Variants in TOMM34 observed in about 807,000 individuals in gnomAD.
The protein encoded by TOMM34 is mitochondrial import receptor subunit TOM34.
Under a neutral mutation model 37.4 loss-of-function variants are expected in TOMM34, and 24 were observed. The observed-to-expected ratio is 0.64, with a 90% CI of 0.46 to 0.90. TOMM34 has a LOEUF of 0.90. TOMM34 is among the 40% of genes least tolerant of loss of function. TOMM34 has a pLI of 0.00. For synonymous variants in TOMM34, 154 were observed against 148.9 expected, an observed-to-expected ratio of 1.03 and a Z score of -0.25; for missense variants, 304 against 375.6, an observed-to-expected ratio of 0.81 and a Z score of 1.58.
intron 1 of TOMM34, among the ~76,000 whole-genome samples, chr20:44,959,393 A>G (rs1000049628): frequency 2.6e-5 from 4 of 152,126 alleles, no homozygotes; most frequent in African/African-American, 9.7e-5. Context: ...GAGAACTGGT[A>G]AGAATATGCT....
intron 3 of TOMM34, chr20:44,952,511 T>G: frequency 4.3e-6 from 3 of 694,812 alleles, no homozygotes; most frequent in Non-Finnish European, 5.4e-6. Context: ...CCCTTCACTG[T>G]GAGCCACATT....
In TOMM34 at chr20:44,943,208, A is replaced by G. The variant is rs1221476560; in HGVS notation, c.831T>C (p.Tyr277=). Residue 277 remains tyrosine (Y), a synonymous_variant, in exon 7 of 7, where the codon TAT becomes TAC. Coordinates refer to ENST00000372813, the MANE Select transcript of TOMM34 (RefSeq NM_006809.5). ...TGCTGATGTCTGCAAAGCTGGATTT[A>G]TAGTCCTAATAGAAGAAAAGACAGG... ...RAQAHKALKD[Y]KSSFADISNL... is the part of the protein sequence containing the mutation. 1 of 1,613,980 alleles carries G rather than the reference A, an allele frequency of 6.2e-7. No individual in the cohort carries two copies. The highest frequency in any genetic ancestry group is 8.5e-7 in the Non-Finnish European group (1 of 1,179,978).
At chr20:44,956,212 A>G (rs2067071306) in intron 2 of TOMM34, among the ~76,000 whole-genome samples, 174 bp downstream of exon 2, 1 of 152,206 alleles carries the variant, frequency 6.6e-6, no homozygotes, top group African/African-American at 2.4e-5. Context: ...CACGGGCCAT[A>G]AGGACCAAAT....
chr20:44,948,403 G>A (rs1035962469), intron 5 of TOMM34, among the ~76,000 whole-genome samples: 1 of 152,222 alleles, frequency 6.6e-6, no homozygotes, highest in African/African-American at 2.4e-5. Flanking sequence ...AGGGAGCAGC[G>A]TAGCGTGGTG....
chr20:44,955,338 G>T, intron 2 of TOMM34, 118 bp from the exon 3 acceptor site: 2 of 1,334,508 alleles, frequency 1.5e-6, no homozygotes, highest in Non-Finnish European at 2.1e-6. Flanking sequence ...ATTTCTGGCC[G>T]AGAGACATGG....
chr20:44,943,998 A>C (rs2066959282), intron 5 of TOMM34, among the ~76,000 whole-genome samples: 1 of 152,190 alleles, frequency 6.6e-6, no homozygotes, highest in South Asian at 2.1e-4. Flanking sequence ...ACAACTACTG[A>C]ACTCTAATGA....
At chr20:44,951,724 T>C (rs2067027869) in intron 4 of TOMM34, 109 bp downstream of exon 4, 3 of 1,350,372 alleles carry the variant, frequency 2.2e-6, no homozygotes, top group Admixed American at 2.4e-5. Flanking sequence ...ACTTTGTTCC[T>C]AAGATTATTT....
chr20:44,945,166 T>C (rs111716082), intron 5 of TOMM34, among the ~76,000 whole-genome samples: 6 of 152,366 alleles, frequency 3.9e-5, no homozygotes, highest in African/African-American at 1.4e-4. Flanking sequence ...CCAGACTTTA[T>C]TATACACCAG....
At chr20:44,948,190 A>T (rs945261931) in intron 5 of TOMM34, among the ~76,000 whole-genome samples, 2 of 152,218 alleles carry the variant, frequency 1.3e-5, no homozygotes, top group Non-Finnish European at 2.9e-5. Context: ...CCTGGCTCCC[A>T]GGTTCTCAGT....
chr20:44,944,779 T>G (rs968934883), intron 5 of TOMM34, among the ~76,000 whole-genome samples: 1 of 152,238 alleles, frequency 6.6e-6, no homozygotes, highest in Non-Finnish European at 1.5e-5. Flanking sequence ...GAGCCTATTT[T>G]CCTACAACTG....
At chr20:44,958,106 G>A (rs45593934) in intron 1 of TOMM34, among the ~76,000 whole-genome samples, 1 of 79,624 alleles carries the variant, frequency 1.3e-5, no homozygotes. Context: ...ATGTATATAT[G>A]TATACATGTA....
chr20:44,951,455 G>C (rs1351740210), intron 4 of TOMM34, among the ~76,000 whole-genome samples: 1 of 152,152 alleles, frequency 6.6e-6, no homozygotes, highest in East Asian at 1.9e-4. Context: ...TCAGTTTTAT[G>C]AGCCAATAAA....
chr20:44,949,833 A>T (rs1473518293), intron 4 of TOMM34, among the ~76,000 whole-genome samples: 1 of 152,220 alleles, frequency 6.6e-6, no homozygotes, highest in Admixed American at 6.5e-5. Context: ...AACTATATAC[A>T]ACAGTACCCA....
chr20:44,960,060 G>A (rs943634043), intron 1 of TOMM34, 147 bp downstream of exon 1: 2 of 1,392,968 alleles, frequency 1.4e-6, no homozygotes, highest in East Asian at 5.9e-5. Context: ...AAAGGGCCGA[G>A]GAAGTTTCTG....
chr20:44,948,071 C>G (rs73298561), intron 5 of TOMM34, among the ~76,000 whole-genome samples: 2,755 of 152,234 alleles, frequency 0.018, 95 homozygotes, highest in African/African-American at 0.062. Flanking sequence ...GAGTTTAAAG[C>G]AAAACCCTTC....
At chr20:44,954,631 A>G (rs560720964) in intron 3 of TOMM34, among the ~76,000 whole-genome samples, 142 of 152,334 alleles carry the variant, frequency 9.3e-4, no homozygotes, top group African/African-American at 3.3e-3. Flanking sequence ...GATTGGTCAC[A>G]GTGCAATATA....
rs149791852 is a variant in TOMM34 at position 44,958,769 on chromosome 20, G to C, written c.127+1438C>G. On this transcript the variant is annotated intron_variant, in intron 1 of 6. Transcript: ENST00000372813. The stretch of plus-strand genomic sequence containing the variant: ...CAAATGTACAAGCTTTTCCAGACCA[G>C]CTGGGGTGAGATGAATGAAAATGGC... 424 of 154,026 alleles carry C rather than the reference G, an allele frequency of 2.8e-3. 5 individuals are homozygous for C. Among genetic ancestry groups the C allele is most frequent in the African/African-American group, 9.2e-3 (383 of 41,564 alleles). The allele number at this position is 154,026 out of a possible 1,614,324, so 9.5% of individuals were successfully genotyped here. A position where few individuals can be genotyped will look rare whatever the true frequency, so the allele number is the denominator to read the frequency against.
chr20:44,955,160 C>T lies in TOMM34; in HGVS notation c.288G>A (p.Glu96=), dbSNP rs201082391. The T allele has an allele frequency of 1.2e-5, 19 of 1,614,088 alleles. No homozygotes were observed. Among genetic ancestry groups the T allele is most frequent in the Non-Finnish European group, 1.6e-5 (19 of 1,180,044 alleles). The change falls in exon 3 of 7, where the codon GAG becomes GAA. Residue 96 remains glutamate (E), a synonymous_variant. Coordinates refer to ENST00000372813, the MANE Select transcript of TOMM34 (RefSeq NM_006809.5). ...KPLLRRASAY[E]ALEKYPMAYV... Reference sequence around the variant, plus strand: ...AGGCCATAGGGTACTTCTCCAGAGCCTCATAAGCAGATGCTCGCCGCAGCA... The same window carrying T: ...AGGCCATAGGGTACTTCTCCAGAGCTTCATAAGCAGATGCTCGCCGCAGCA...
At chr20:44,959,439 C>G (rs1402945346) in intron 1 of TOMM34, among the ~76,000 whole-genome samples, 1 of 152,154 alleles carries the variant, frequency 6.6e-6, no homozygotes, top group Non-Finnish European at 1.5e-5. Flanking sequence ...AGCTTCCCAT[C>G]CAGCAGCTTT....
Sources: gnomAD v4.1 joint callset for allele counts (sites outside exome capture counted in the v4.1 genomes callset) on GRCh38, gnomAD v4.1.1 for gene constraint, MANE v1.5 for transcripts, NCBI Gene and HGNC (gene_info 2026-07-23, HGNC 2026-07-21) for gene names.